The following ROBO2 variants were observed in gnomAD, a reference collection of about 807,000 sequenced individuals.
ROBO2 encodes the protein roundabout guidance receptor 2.
Under a neutral mutation model 160.8 loss-of-function variants are expected in ROBO2, and 53 were observed. The observed-to-expected ratio is 0.33, with a 90% CI of 0.26 to 0.41. ROBO2 has a LOEUF of 0.41. Among genes scored for constraint, ROBO2 ranks in the 10% least tolerant of loss-of-function variants. The pLI, the probability that ROBO2 is intolerant of heterozygous loss-of-function variation, is 1.00. For missense variants in ROBO2, 1,577 were observed against 1,722.4 expected (o/e 0.92, Z 1.49); for synonymous variants, 664 against 611.7 (o/e 1.09, Z -1.26).
At chr3:77,054,894 G>A (rs2065571957) in intron 1 of ROBO2, among the ~76,000 whole-genome samples, 1 of 151,252 alleles carries the variant, frequency 6.6e-6, no homozygotes, top group Non-Finnish European at 1.5e-5. Flanking sequence ...GCCAGTGACA[G>A]AGAGGCGCCT....
chr3:76,463,993 GAGAC>G (rs1318994079), intron 2 of ROBO2, among the ~76,000 whole-genome samples: 1 of 152,154 alleles, frequency 6.6e-6, no homozygotes, highest in Non-Finnish European at 1.5e-5. Flanking sequence ...GGTGAGAAGA[GAGAC>G]AGAGGAGGAG....
At chr3:76,998,192 G>A (rs1480926295) in intron 2 of ROBO2, among the ~76,000 whole-genome samples, 1 of 152,130 alleles carries the variant, frequency 6.6e-6, no homozygotes, top group Non-Finnish European at 1.5e-5. Flanking sequence ...ATATTAGGGA[G>A]CATTGATTGT....
chr3:77,111,024 A>T (rs116461416), intron 2 of ROBO2, among the ~76,000 whole-genome samples: 4 of 152,306 alleles, frequency 2.6e-5, no homozygotes, highest in African/African-American at 4.8e-5. Flanking sequence ...AAAATAACGA[A>T]GGAGAAAATC....
At chr3:77,002,946 A>G (rs1014582004) in intron 2 of ROBO2, among the ~76,000 whole-genome samples, 3 of 151,110 alleles carry the variant, frequency 2.0e-5, no homozygotes, top group African/African-American at 7.3e-5. Flanking sequence ...CTAGAAATAC[A>G]CTGTAATTAA....
intron 2 of ROBO2, among the ~76,000 whole-genome samples, chr3:76,453,562 C>T (rs1471284596): frequency 2.0e-5 from 3 of 152,122 alleles, no homozygotes; most frequent in African/African-American, 4.8e-5. Context: ...CAGTACCATG[C>T]TGTTTTGGTT....
At chr3:76,819,609 C>T (rs80318323) in intron 2 of ROBO2, among the ~76,000 whole-genome samples, 23 of 152,084 alleles carry the variant, frequency 1.5e-4, no homozygotes, top group African/African-American at 4.8e-4. Context: ...ACATGGCAGG[C>T]ATTCATTGTT....
intron 8 of ROBO2, 56 bp from the exon 10 acceptor site, chr3:77,557,888 C>A: frequency 7.2e-7 from 1 of 1,380,286 alleles, no homozygotes; most frequent in South Asian, 1.2e-5. Context: ...GTCAATATAT[C>A]AAGCCTACTG....
At chr3:77,216,556 C>G (rs1055915425) in intron 2 of ROBO2, among the ~76,000 whole-genome samples, 1 of 152,198 alleles carries the variant, frequency 6.6e-6, no homozygotes, top group East Asian at 1.9e-4. Context: ...TGCTTCAGCT[C>G]ATGCTCAGTG....
chr3:76,569,888 G>C (rs2084854211), intron 2 of ROBO2, among the ~76,000 whole-genome samples: 1 of 152,208 alleles, frequency 6.6e-6, no homozygotes, highest in African/African-American at 2.4e-5. Flanking sequence ...ACTTTGAGAG[G>C]CCAAGGCCGG....
intron 2 of ROBO2, among the ~76,000 whole-genome samples, chr3:77,365,479 C>T (rs1201921091): frequency 6.6e-6 from 1 of 152,132 alleles, no homozygotes. Context: ...GTAACATTTA[C>T]ACCAGTCTGG....
intron 2 of ROBO2, among the ~76,000 whole-genome samples, chr3:76,453,873 A>G (rs2077608108): frequency 6.6e-6 from 1 of 152,142 alleles, no homozygotes; most frequent in South Asian, 2.1e-4. Flanking sequence ...TCCTGAACAG[A>G]ATGAATGTAT....
At chr3:76,340,128 T>A (rs1033443865) in intron 2 of ROBO2, among the ~76,000 whole-genome samples, 1 of 150,568 alleles carries the variant, frequency 6.6e-6, no homozygotes, top group Non-Finnish European at 1.5e-5. Context: ...TATCAAAATA[T>A]AATTACGTAA....
At chr3:76,870,929 T>G (rs1171661383) in intron 2 of ROBO2, among the ~76,000 whole-genome samples, 1 of 152,202 alleles carries the variant, frequency 6.6e-6, no homozygotes, top group Non-Finnish European at 1.5e-5. Context: ...TAAGGGAATT[T>G]TGCAGAGTAG....
chr3:76,141,060 CATAT>C lies in ROBO2; in HGVS notation c.109+203472_109+203475del, dbSNP rs55691222. 4.7e-4 allele frequency among the ~76,000 whole-genome samples: 25 copies of C among 53,578 alleles called. 2 individuals are homozygous for C. The highest frequency in any genetic ancestry group is 8.7e-4 in the Non-Finnish European group (25 of 28,704). The allele number at this position is 53,578 out of a possible 152,430, so 35.1% of individuals were successfully genotyped here. On this transcript the variant is annotated intron_variant, in intron 2 of 26. Coordinates refer to the ROBO2 transcript ENST00000487694. ...ACACACACAGATGTCTTTTTACATA[CATAT>C]ATATATATATATAAAATATATGTGC...
At chr3:76,323,176 C>CACACACACACACACACACACACACACACA (rs1559763162) in intron 2 of ROBO2, among the ~76,000 whole-genome samples, 3 of 143,766 alleles carry the variant, frequency 2.1e-5, no homozygotes, top group Non-Finnish European at 4.6e-5. Context: ...CACACACACA[C>CACACACACACACACACACACACACACACA]CCCTAAAGGC....
chr3:77,617,301 A>G (rs1352762892), intron 21 of ROBO2, among the ~76,000 whole-genome samples: 1 of 152,218 alleles, frequency 6.6e-6, no homozygotes, highest in Non-Finnish European at 1.5e-5. Context: ...TTAAGAATAA[A>G]TTGAGATATT....
intron 1 of ROBO2, among the ~76,000 whole-genome samples, chr3:75,912,282 A>G (rs889750150): frequency 6.6e-5 from 10 of 152,198 alleles, no homozygotes; most frequent in African/African-American, 2.2e-4. Context: ...TTATGCTGTC[A>G]TTCTGTCAGC....
At chr3:76,281,832 C>A (rs758550416) in intron 2 of ROBO2, among the ~76,000 whole-genome samples, 1 of 151,876 alleles carries the variant, frequency 6.6e-6, no homozygotes, top group Non-Finnish European at 1.5e-5. Flanking sequence ...TTTCCTGGTG[C>A]CTATGAGATT....
chr3:76,846,737 C>T (rs1237395732), intron 2 of ROBO2, among the ~76,000 whole-genome samples: 1 of 152,152 alleles, frequency 6.6e-6, no homozygotes, highest in Non-Finnish European at 1.5e-5. Context: ...TTTTTCCAAT[C>T]ATTTTAACTT....
Sources: gnomAD v4.1 joint callset for allele counts (sites outside exome capture counted in the v4.1 genomes callset) on GRCh38, gnomAD v4.1.1 for gene constraint, MANE v1.5 for transcripts, NCBI Gene and HGNC (gene_info 2026-07-23, HGNC 2026-07-21) for gene names.